The following CEP120 variants were observed in gnomAD, a reference collection of about 807,000 sequenced individuals.
CEP120 encodes the protein centrosomal protein of 120 kDa.
In CEP120, 113 loss-of-function variants were observed where a neutral mutation model predicts 126.5. That is an observed-to-expected ratio of 0.89 (90% CI 0.77 to 1.04). The LOEUF (loss-of-function observed/expected upper bound fraction) is 1.04. Ranked by LOEUF, CEP120 falls within the 50% of genes least tolerant of loss-of-function variation. The pLI is 0.00. For synonymous variants in CEP120, 400 were observed against 394.3 expected (o/e 1.01, Z -0.17); for missense variants, 1,230 against 1,155.7 (o/e 1.06, Z -0.93).
intron 4 of CEP120, 128 bp from the exon 5 acceptor site, chr5:123,399,412 T>C (rs1463512775): frequency 4.9e-6 from 4 of 812,150 alleles, no homozygotes; most frequent in Admixed American, 5.3e-5. Context: ...TCTAATAAGG[T>C]TTCCTTTACT....
At chr5:123,378,306 G>T in intron 15 of CEP120, 30 bp downstream of exon 15, 1 of 1,531,716 alleles carries the variant, frequency 6.5e-7, no homozygotes, top group Non-Finnish European at 8.9e-7. Flanking sequence ...CCTCTATGCT[G>T]AAAAAAAATA....
intron 6 of CEP120, 38 bp downstream of exon 6, chr5:123,393,262 A>C: frequency 2.5e-6 from 4 of 1,588,778 alleles, no homozygotes; most frequent in Non-Finnish European, 3.5e-6. Flanking sequence ...TGCTTAAAAG[A>C]CCACCTCCAG....
At position 123,346,629 on chromosome 5, in the gene CEP120, C is replaced by G; in HGVS notation, c.2851G>C (p.Glu951Gln). 1 of 1,613,978 alleles carries G rather than the reference C, an allele frequency of 6.2e-7. No homozygotes were observed. Residue 951 changes from glutamate to glutamine, a missense_variant, in exon 20 of 20, where the codon GAA (glutamate) becomes CAA (glutamine). By Grantham distance (29) the Glu-to-Gln change is conservative. Transcript: ENST00000306467. ...LDDYLTRLIE[E>Q]RDTLMRTGVY... Reference sequence around the variant, plus strand: ...CCCGTTCTCATCAAAGTATCCCTTTCTTCTATCAGGCGAGTCAAATAATCA... The same window carrying G: ...CCCGTTCTCATCAAAGTATCCCTTTGTTCTATCAGGCGAGTCAAATAATCA...
At chr5:123,390,852 G>C (rs778546684) in intron 7 of CEP120, 5 of 341,280 alleles carry the variant, frequency 1.5e-5, no homozygotes, top group Non-Finnish European at 2.7e-5. Context: ...CTGGAGTTGG[G>C]GGTGGGGGAG....
intron 10 of CEP120, among the ~76,000 whole-genome samples, chr5:123,386,304 T>C (rs926358577): frequency 2.1e-4 from 32 of 152,046 alleles, no homozygotes; most frequent in African/African-American, 7.5e-4. Context: ...GTAAATAAGA[T>C]AGGAAAATCA....
At chr5:123,402,503 C>G (rs1273168921) in intron 4 of CEP120, among the ~76,000 whole-genome samples, 1 of 152,110 alleles carries the variant, frequency 6.6e-6, no homozygotes, top group Admixed American at 6.5e-5. Flanking sequence ...CTCTGCCCCC[C>G]CGGATTCAAG....
chr5:123,414,685 G>A (rs1384019777), intron 3 of CEP120, among the ~76,000 whole-genome samples: 2 of 152,184 alleles, frequency 1.3e-5, no homozygotes, highest in Non-Finnish European at 2.9e-5. Flanking sequence ...GCTAAGCAGC[G>A]GCCGGGCGCG....
At chr5:123,378,257 TCTAA>T in intron 15 of CEP120, 75 bp downstream of exon 15, 1 of 1,066,018 alleles carries the variant, frequency 9.4e-7, no homozygotes, top group Non-Finnish European at 1.3e-6. Context: ...CTCTTTTGCA[TCTAA>T]CTTTTAAAAT....
At chr5:123,385,619 G>A (rs1241333295) in intron 10 of CEP120, among the ~76,000 whole-genome samples, 1 of 140,636 alleles carries the variant, frequency 7.1e-6, no homozygotes, top group African/African-American at 2.6e-5. Context: ...GACTATACCT[G>A]TTTTTTTTTT....
chr5:123,381,548 T>G (rs575533068), intron 14 of CEP120, among the ~76,000 whole-genome samples: 13 of 152,256 alleles, frequency 8.5e-5, no homozygotes, highest in African/African-American at 3.1e-4. Context: ...TATTAAGCTT[T>G]TGCTTCAGGA....
intron 18 of CEP120, among the ~76,000 whole-genome samples, chr5:123,356,691 A>C (rs2407777): frequency 0.71 from 108,496 of 151,798 alleles, 38,908 homozygotes; most frequent in African/African-American, 0.75. Flanking sequence ...GTATCCCTCA[A>C]TTAACAGAAC....
chr5:123,373,752 C>T (rs964526728), intron 16 of CEP120, among the ~76,000 whole-genome samples: 4 of 151,972 alleles, frequency 2.6e-5, no homozygotes, highest in Admixed American at 6.6e-5. Context: ...GGAAGATCCT[C>T]GGGTACCCCA....
intron 17 of CEP120, among the ~76,000 whole-genome samples, chr5:123,369,706 TAACCACCTTA>T (rs1471833207): frequency 1.5e-3 from 225 of 152,168 alleles, no homozygotes; most frequent in African/African-American, 5.3e-3. Flanking sequence ...AGGCCTTCCT[TAACCACCTTA>T]TGTGGGGTGG....
intron 18 of CEP120, among the ~76,000 whole-genome samples, chr5:123,363,553 A>C (rs1304975469): frequency 1.3e-5 from 2 of 151,504 alleles, no homozygotes; most frequent in Non-Finnish European, 3.0e-5. Flanking sequence ...ATGGTACATT[A>C]TTTTATATTT....
chr5:123,402,023 G>A lies in CEP120; in HGVS notation c.464-2739C>T, dbSNP rs1773282193. 3.1e-6 allele frequency: 5 copies of A among 1,604,792 alleles called. No individual in the cohort carries two copies. The South Asian group carries it at 5.5e-5, about 18-fold the overall frequency. ...TCTGCTGCTCCAGGAACCGTACCTT[G>A]TCTATGAAGGAGGCAAACTTGTTGT... On this transcript the variant is annotated intron_variant, in intron 4 of 19. Transcript: ENST00000306467.
intron 17 of CEP120, 66 bp from the exon 18 acceptor site, chr5:123,364,660 T>C: frequency 1.1e-6 from 1 of 878,182 alleles, no homozygotes; most frequent in Non-Finnish European, 1.7e-6. Flanking sequence ...TGAAAGATAA[T>C]ATATACAAAG....
chr5:123,402,276 T>A (rs1773306722), intron 4 of CEP120: 1 of 1,482,758 alleles, frequency 6.7e-7, no homozygotes, highest in African/African-American at 1.4e-5. Context: ...TGTGTAGGAG[T>A]GGCTGCTGAA....
chr5:123,415,470 T>C (rs960551399), intron 3 of CEP120, among the ~76,000 whole-genome samples: 14 of 152,228 alleles, frequency 9.2e-5, no homozygotes, highest in Non-Finnish European at 7.3e-5. Flanking sequence ...TAATAGCAAC[T>C]TGGATACAAG....
chr5:123,359,446 T>C (rs1390102141), intron 18 of CEP120, among the ~76,000 whole-genome samples: 1 of 152,106 alleles, frequency 6.6e-6, no homozygotes, highest in African/African-American at 2.4e-5. Flanking sequence ...TATGCAAATA[T>C]GTTGTTTAGA....
Sources: allele counts gnomAD v4.1 joint callset (sites outside exome capture counted in the v4.1 genomes callset), GRCh38; gene constraint gnomAD v4.1.1; transcripts MANE v1.5; gene names NCBI Gene and HGNC (gene_info 2026-07-23, HGNC 2026-07-21).